The following NLRP1 variants were observed in gnomAD, a reference collection of about 807,000 sequenced individuals.
The protein encoded by NLRP1 is NLR family pyrin domain containing 1.
A neutral mutation model predicts 136.7 loss-of-function variants in NLRP1; 94 were observed. The ratio of observed to expected loss-of-function variants is 0.69; its 90% CI spans 0.58 to 0.82. NLRP1 has a LOEUF of 0.82. Among genes scored for constraint, NLRP1 ranks in the 40% least tolerant of loss-of-function variants. The pLI is 0.00. For synonymous variants in NLRP1, 690 were observed against 725.1 expected (o/e 0.95, Z 0.78); for missense variants, 1,575 against 1,802.7 (o/e 0.87, Z 2.29).
At position 5,559,316 on chromosome 17, in the gene NLRP1, G is replaced by C. The variant is rs141880804; in HGVS notation, c.1380C>G (p.Thr460=). 106 of 1,614,008 alleles carry C rather than the reference G, an allele frequency of 6.6e-5. No homozygotes were observed. Among genetic ancestry groups the C allele is most frequent in the African/African-American group, 1.3e-5 (1 of 74,922 alleles). The change falls in exon 4 of 17, where the codon ACC becomes ACG. Residue 460 remains threonine, a synonymous_variant. Coordinates refer to ENST00000572272, the MANE Select transcript of NLRP1 (RefSeq NM_033004.4). ...AAGGAATGAGGTTCTGCAGAGCTGT[G>C]GTCCGAGCCGTGATCAGGAAGGATG... The part of the protein sequence containing the change: ...PEASFLITAR[T]TALQNLIPSL...
intron 4 of NLRP1, among the ~76,000 whole-genome samples, chr17:5,557,003 TTTTG>T (rs781474759): frequency 2.0e-4 from 31 of 152,242 alleles, no homozygotes; most frequent in East Asian, 5.8e-4. Flanking sequence ...CTACGTTATC[TTTTG>T]TTTGTTTGTT....
chr17:5,528,037 A>G (rs574110563), intron 12 of NLRP1, among the ~76,000 whole-genome samples: 51 of 152,182 alleles, frequency 3.4e-4, no homozygotes, highest in Admixed American at 2.0e-3. Context: ...TAGCTGCATG[A>G]GGTTTCTCCT....
downstream of NLRP1, among the ~76,000 whole-genome samples, chr17:5,512,977 T>C (rs182589130): frequency 9.0e-4 from 137 of 152,324 alleles, no homozygotes; most frequent in Middle Eastern, 3.4e-3. Flanking sequence ...GAGATCTGCA[T>C]ACAGTAAAAT....
chr17:5,533,851 C>A, intron 9 of NLRP1, 46 bp downstream of exon 9: 1 of 1,328,688 alleles, frequency 7.5e-7, no homozygotes, highest in South Asian at 1.3e-5. Flanking sequence ...AGCTGACCTC[C>A]CCCAACCCCT....
intron 6 of NLRP1, among the ~76,000 whole-genome samples, chr17:5,540,914 G>C (rs1025104028): frequency 3.6e-4 from 55 of 152,150 alleles, no homozygotes; most frequent in African/African-American, 1.3e-3. Flanking sequence ...GATATTTCAG[G>C]GCTTGGGCAG....
intron 5 of NLRP1, among the ~76,000 whole-genome samples, chr17:5,545,405 CACACACACAT>C (rs1414200427): frequency 6.6e-6 from 1 of 150,978 alleles, no homozygotes; most frequent in Non-Finnish European, 1.5e-5. Context: ...CACACGGATA[CACACACACAT>C]ACACAGACAT....
intron 4 of NLRP1, among the ~76,000 whole-genome samples, chr17:5,555,806 A>G (rs1000001642): frequency 6.6e-6 from 1 of 152,190 alleles, no homozygotes; most frequent in Non-Finnish European, 1.5e-5. Flanking sequence ...TTAAAAATAT[A>G]TAAAGGGCTG....
chr17:5,537,717 C>T lies in NLRP1; in HGVS notation c.2871-777G>A, dbSNP rs1400237865. Among the ~76,000 whole-genome samples, 2 of 152,184 alleles carry T rather than the reference C, an allele frequency of 1.3e-5. No homozygotes were observed. Among genetic ancestry groups the T allele is most frequent in the Non-Finnish European group, 2.9e-5 (2 of 68,040 alleles). On this transcript the variant is annotated intron_variant, in intron 7 of 16. Transcript: ENST00000572272. This position sits in a 1 kb window ranked among gnomAD's most constrained non-coding sequence, Gnocchi z 4.5. ...CCTTGAAGTAGAAGGTTATTCTTCTCAACTAAGTCCCGGCTCCAGGAGGGA... is the reference window on the plus strand; with the variant it reads ...CCTTGAAGTAGAAGGTTATTCTTCTTAACTAAGTCCCGGCTCCAGGAGGGA...
At chr17:5,511,248 T>C (rs1265984979), downstream of NLRP1, among the ~76,000 whole-genome samples, 1 of 151,858 alleles carries the variant, frequency 6.6e-6, no homozygotes, top group Non-Finnish European at 1.5e-5. Context: ...CTGGCCAACA[T>C]GGTGAAACCC....
intron 12 of NLRP1, 47 bp downstream of exon 12, chr17:5,530,434 G>C: frequency 6.6e-7 from 1 of 1,524,204 alleles, no homozygotes. Flanking sequence ...TCCCTTTCAG[G>C]CCCATAATTA....
Position 5,582,682 on chromosome 17 carries a change from G to A in NLRP1, c.436C>T (p.Arg146Cys), listed in dbSNP as rs139463149. Residue 146 changes from arginine to cysteine, a missense_variant, in exon 2 of 17, where the codon CGC becomes TGC. Physicochemically the swap from Arg to Cys is radical, Grantham distance 180 (BLOSUM62 -3). Coordinates refer to ENST00000572272, the MANE Select transcript of NLRP1 (RefSeq NM_033004.4). ...CAGCAAGCCTCACCTCTCCAGCGGC[G>A]TCCAGATGTGTCAGGCAGCTGTCTC... ...VLRQLPDTSG[R>C]RWREISASLL... 2.0e-5 allele frequency: 33 copies of A among 1,613,948 alleles called. No individual in the cohort carries two copies. The highest frequency in any genetic ancestry group is 4.0e-5 in the African/African-American group (3 of 74,904).
intron 12 of NLRP1, among the ~76,000 whole-genome samples, chr17:5,522,226 T>C (rs1234068357): frequency 6.6e-6 from 1 of 152,260 alleles, no homozygotes; most frequent in African/African-American, 2.4e-5. Flanking sequence ...CCCAGTGCTA[T>C]GGTCTTGAAT....
In NLRP1 at chr17:5,575,771, G is replaced by C. The variant is rs965799101; in HGVS notation, c.652+6088C>G. 3.3e-5 allele frequency among the ~76,000 whole-genome samples: 5 copies of C among 152,242 alleles called. No individual in the cohort carries two copies. The South Asian group carries it at 1.0e-3, about 32-fold the overall frequency. ...AATTGAACTCAGCTCTGCACCAAGG[G>C]ACCTAATAGACATCTACAGAACTCT... On this transcript the variant is annotated intron_variant, in intron 3 of 16. Transcript: ENST00000572272.
rs1907843978 is a variant in NLRP1, at chr17:5,514,531, CA to C, written c.*222del. On this transcript the variant is annotated 3_prime_UTR_variant, in exon 17 of 17. Transcript: ENST00000572272. Reference sequence around the variant, plus strand: ...AGGTCTGCAGGGGTCTTGCCAGCTCCAGATGGACATTCCCTGAGATGCTGTT... The same window carrying C: ...AGGTCTGCAGGGGTCTTGCCAGCTCCGATGGACATTCCCTGAGATGCTGTT... The C allele has an allele frequency of 7.1e-7, 1 of 1,409,122 alleles. No individual in the cohort carries two copies. Among genetic ancestry groups the C allele is most frequent in the East Asian group, 2.7e-5 (1 of 37,376 alleles). 87.3% of individuals were successfully genotyped at this position (1,409,122 alleles called of 1,614,324 possible).
intron 12 of NLRP1, among the ~76,000 whole-genome samples, chr17:5,523,771 A>G (rs753278056): frequency 6.6e-6 from 1 of 152,222 alleles, no homozygotes; most frequent in Non-Finnish European, 1.5e-5. Flanking sequence ...GCCCTTAGTC[A>G]GATGTCAATC....
chr17:5,511,821 TC>T (rs1907658364), downstream of NLRP1, among the ~76,000 whole-genome samples: 1 of 96,272 alleles, frequency 1.0e-5, no homozygotes, highest in African/African-American at 4.0e-5. Context: ...CCTTCCTTCC[TC>T]TTTTTCTTCA....
chr17:5,539,565 G>C lies in NLRP1; in HGVS notation c.2720C>G (p.Thr907Arg), dbSNP rs753102272. ...QRLQLVSCGLTSDCCQDLASV... is the reference protein window; with the variant it reads ...QRLQLVSCGLRSDCCQDLASV... ...GGCCAGGTCCTGGCAGCAGTCAGAC[G>C]TGAGGCCACAGCTGACCAGCCTGCA... Residue 907 changes from threonine (T) to arginine (R), a missense_variant, in exon 7 of 17, where the codon ACG (threonine) becomes AGG (arginine). Transcript: ENST00000572272. 1.2e-6 allele frequency: 2 copies of C among 1,612,280 alleles called. No individual in the cohort carries two copies. Among genetic ancestry groups the C allele is most frequent in the Non-Finnish European group, 1.7e-6 (2 of 1,179,396 alleles).
At chr17:5,509,447 T>C (rs79958253), downstream of NLRP1, among the ~76,000 whole-genome samples, 23 of 152,342 alleles carry the variant, frequency 1.5e-4, no homozygotes, top group Non-Finnish European at 2.8e-4. Flanking sequence ...GCTCATGGCC[T>C]CTATCGGATT....
At position 5,518,838 on chromosome 17, in the gene NLRP1, ATTTT is replaced by A. The variant is rs35197506; in HGVS notation, c.3916-955_3916-952del. Among the ~76,000 whole-genome samples, 40 of 129,238 alleles carry A rather than the reference ATTTT, an allele frequency of 3.1e-4. No homozygotes were observed. In the East Asian group the frequency reaches 7.9e-3, roughly 25 times the overall value. The allele number at this position is 129,238 out of a possible 152,430, so 84.8% of individuals were successfully genotyped here. ...AGTCACTGTACCCAACCACAACAGC[ATTTT>A]TTTTTTTTTTTTTTGAGACAGGGTC... is the stretch of plus-strand genomic sequence containing the variant. On this transcript the variant is annotated intron_variant, in intron 14 of 16. Coordinates refer to ENST00000572272, the MANE Select transcript of NLRP1 (RefSeq NM_033004.4).
Sources: allele counts gnomAD v4.1 joint callset (sites outside exome capture counted in the v4.1 genomes callset), GRCh38; gene constraint gnomAD v4.1.1; non-coding constraint Gnocchi (gnomAD v3.1); transcripts MANE v1.5; gene names NCBI Gene and HGNC (gene_info 2026-07-23, HGNC 2026-07-21).